TSPAN18: variants seen among roughly 807,000 people sequenced by gnomAD.
The protein encoded by TSPAN18 is tetraspanin 18.
A neutral mutation model predicts 27.3 loss-of-function variants in TSPAN18; 14 were observed. The ratio of observed to expected loss-of-function variants is 0.51; its 90% CI spans 0.34 to 0.80. The LOEUF (loss-of-function observed/expected upper bound fraction) is 0.80, where lower values mean the gene tolerates loss of function less well. TSPAN18 is among the 30% of genes least tolerant of loss of function. TSPAN18 has a pLI of 0.01. For missense variants in TSPAN18, 268 were observed against 323.9 expected (o/e 0.83, Z 1.32); for synonymous variants, 143 against 136.5 (o/e 1.05, Z -0.33).
intron 2 of TSPAN18, among the ~76,000 whole-genome samples, chr11:44,774,395 G>C (rs1417236105): frequency 6.6e-6 from 1 of 152,232 alleles, no homozygotes; most frequent in Non-Finnish European, 1.5e-5. Context: ...AGTAAATGCA[G>C]AGGAAGTGAT....
At chr11:44,814,178 A>T (rs886594315) in intron 2 of TSPAN18, among the ~76,000 whole-genome samples, 3 of 152,204 alleles carry the variant, frequency 2.0e-5, no homozygotes, top group Admixed American at 6.5e-5. Flanking sequence ...TAATTTTTTA[A>T]AAAAAGTCAG....
rs528895235 is a variant in TSPAN18 at position 44,870,908 on chromosome 11, C to T, written c.-11+10439C>T. On this transcript the variant is annotated intron_variant, in intron 3 of 9. Coordinates refer to ENST00000520358, the MANE Select transcript of TSPAN18 (RefSeq NM_130783.5). ...CTTCTACTCATCGTTTCTAGTTTTG[C>T]TGACTAGACTCACACAGATCACCAA... Among the ~76,000 whole-genome samples the T allele has an allele frequency of 1.6e-4, 24 of 152,280 alleles. No individual in the cohort carries two copies. In the South Asian group the frequency reaches 2.9e-3, roughly 18 times the overall value.
chr11:44,786,269 T>G (rs1856055129), intron 2 of TSPAN18, among the ~76,000 whole-genome samples: 1 of 152,224 alleles, frequency 6.6e-6, no homozygotes, highest in Non-Finnish European at 1.5e-5. Context: ...TGGTCCCTGC[T>G]GGTAAGTGAC....
chr11:44,835,114 A>ATGCC (rs1857239014), intron 2 of TSPAN18, among the ~76,000 whole-genome samples: 1 of 152,214 alleles, frequency 6.6e-6, no homozygotes. Flanking sequence ...GGGCTCCGGC[A>ATGCC]GCTCAAAGGT....
chr11:44,920,349 T>A (rs550590031), intron 8 of TSPAN18, among the ~76,000 whole-genome samples: 16 of 151,760 alleles, frequency 1.1e-4, no homozygotes, highest in African/African-American at 3.9e-4. Context: ...AATTGCACAG[T>A]GGGGGGCCCT....
intron 1 of TSPAN18, among the ~76,000 whole-genome samples, chr11:44,743,841 C>G (rs889568807): frequency 6.6e-6 from 1 of 152,194 alleles, no homozygotes; most frequent in African/African-American, 2.4e-5. Context: ...TAAAACTGAT[C>G]CTGATGGAGG....
chr11:44,735,267 C>T (rs954637174), intron 1 of TSPAN18, among the ~76,000 whole-genome samples: 1 of 152,254 alleles, frequency 6.6e-6, no homozygotes, highest in Non-Finnish European at 1.5e-5. Flanking sequence ...TGGTGCAGGG[C>T]AGCAGCTCTG....
intron 1 of TSPAN18, among the ~76,000 whole-genome samples, chr11:44,740,108 A>G (rs919037958): frequency 1.3e-5 from 2 of 152,116 alleles, no homozygotes; most frequent in Non-Finnish European, 2.9e-5. Context: ...TCTCTTTGTC[A>G]TGGTTGCCTG....
chr11:44,747,433 A>G (rs940949941), intron 1 of TSPAN18, among the ~76,000 whole-genome samples: 5 of 152,174 alleles, frequency 3.3e-5, no homozygotes, highest in Non-Finnish European at 5.9e-5. Context: ...GGCGTGAATC[A>G]TAGAGGCCTC....
intron 3 of TSPAN18, among the ~76,000 whole-genome samples, chr11:44,870,210 A>G (rs1858154894): frequency 6.6e-6 from 1 of 152,200 alleles, no homozygotes; most frequent in Non-Finnish European, 1.5e-5. Flanking sequence ...TATTTCCATC[A>G]TCCCCCAAAG....
intron 3 of TSPAN18, among the ~76,000 whole-genome samples, chr11:44,897,321 T>C (rs761145419): frequency 2.0e-5 from 3 of 152,126 alleles, no homozygotes; most frequent in Non-Finnish European, 4.4e-5. Flanking sequence ...GAGTCTGGGT[T>C]TTGGGGGAGG....
chr11:44,728,519 A>G (rs904043516), intron 1 of TSPAN18, among the ~76,000 whole-genome samples: 32 of 151,900 alleles, frequency 2.1e-4, no homozygotes, highest in Non-Finnish European at 4.7e-4. Context: ...GTAAACTGGG[A>G]GGCACAGGGC....
chr11:44,802,024 C>T (rs550348255), intron 2 of TSPAN18, among the ~76,000 whole-genome samples: 3 of 152,182 alleles, frequency 2.0e-5, no homozygotes, highest in African/African-American at 7.2e-5. Flanking sequence ...AGAGTGAGAC[C>T]TTGTCTCGAA....
In TSPAN18 at chr11:44,931,881, A is replaced by G. The variant is rs1860576841; in HGVS notation, c.*2703A>G. The G allele has an allele frequency of 6.6e-6, 1 of 152,266 alleles. No homozygotes were observed. The highest frequency in any genetic ancestry group is 6.5e-5 in the Admixed American group (1 of 15,280). 9.4% of individuals were successfully genotyped at this position (152,266 alleles called of 1,614,324 possible). On this transcript the variant is annotated 3_prime_UTR_variant, in exon 10 of 10. Coordinates refer to ENST00000520358, the MANE Select transcript of TSPAN18 (RefSeq NM_130783.5). ...TCACCCCGAAATACAACAGCCCATA[A>G]CAGAGACTTCCTCGGACCCCACTAA...
At chr11:44,868,200 C>A (rs1337931370) in intron 3 of TSPAN18, among the ~76,000 whole-genome samples, 1 of 152,170 alleles carries the variant, frequency 6.6e-6, no homozygotes, top group East Asian at 1.9e-4. Flanking sequence ...AGGCTGGAAC[C>A]CAGGTGGCCA....
At chr11:44,727,773 TG>T (rs1407407594) in intron 1 of TSPAN18, among the ~76,000 whole-genome samples, 1 of 151,394 alleles carries the variant, frequency 6.6e-6, no homozygotes, top group East Asian at 2.0e-4. Context: ...GGGCTGCCTT[TG>T]GGGTCCCTGG....
At chr11:44,736,400 C>G (rs1854795038) in intron 1 of TSPAN18, 1 of 152,252 alleles carries the variant, frequency 6.6e-6, no homozygotes, top group East Asian at 1.9e-4. Flanking sequence ...ATTCTTTCAA[C>G]TCGCCTTTCT....
intron 2 of TSPAN18, among the ~76,000 whole-genome samples, chr11:44,828,920 A>G (rs1857099807): frequency 6.6e-6 from 1 of 152,066 alleles, no homozygotes; most frequent in Admixed American, 6.6e-5. Flanking sequence ...AGCCACCACT[A>G]TCTCCTGCCT....
chr11:44,882,551 A>G (rs1858516585), intron 3 of TSPAN18, among the ~76,000 whole-genome samples: 1 of 150,764 alleles, frequency 6.6e-6, no homozygotes, highest in African/African-American at 2.5e-5. Context: ...GTTAGCAGGT[A>G]GCGTTCCACC....
Sources: allele counts gnomAD v4.1 joint callset (sites outside exome capture counted in the v4.1 genomes callset), GRCh38; gene constraint gnomAD v4.1.1; transcripts MANE v1.5; gene names NCBI Gene and HGNC (gene_info 2026-07-23, HGNC 2026-07-21).